NDST4: variants seen among roughly 807,000 people sequenced by gnomAD.
NDST4 encodes the protein N-heparan sulfate sulfotransferase 4.
A neutral mutation model predicts 100.8 loss-of-function variants in NDST4; 63 were observed. The observed-to-expected ratio is 0.62, with a 90% CI of 0.51 to 0.77. The LOEUF is 0.77. NDST4 is among the 30% of genes least tolerant of loss of function. The pLI is 0.00. For synonymous variants in NDST4, 377 were observed against 361.8 expected (o/e 1.04, Z -0.48); for missense variants, 943 against 1,018.4 (o/e 0.93, Z 1.01).
chr4:114,887,043 T>A (rs893979625), intron 6 of NDST4, among the ~76,000 whole-genome samples: 2 of 152,190 alleles, frequency 1.3e-5, no homozygotes, highest in Admixed American at 1.3e-4. Flanking sequence ...ACTAATCCAT[T>A]GTGAATTACA....
At chr4:114,960,568 G>C (rs1295149265) in intron 4 of NDST4, among the ~76,000 whole-genome samples, 1 of 151,906 alleles carries the variant, frequency 6.6e-6, no homozygotes, top group Non-Finnish European at 1.5e-5. Context: ...ATAAAAGAAA[G>C]AAAGAAATAA....
intron 3 of NDST4, 71 bp downstream of exon 3, chr4:114,977,116 C>A: frequency 2.1e-6 from 2 of 941,412 alleles, no homozygotes; most frequent in South Asian, 3.4e-5. Flanking sequence ...CTATCTCTAC[C>A]ACTTATGAAT....
intron 6 of NDST4, among the ~76,000 whole-genome samples, chr4:114,896,769 A>C (rs1361081389): frequency 1.3e-5 from 2 of 152,224 alleles, no homozygotes; most frequent in Non-Finnish European, 2.9e-5. Context: ...CAGCTATTTT[A>C]CATGGTAATT....
At chr4:115,099,929 A>G (rs932246629) in intron 1 of NDST4, among the ~76,000 whole-genome samples, 3 of 152,184 alleles carry the variant, frequency 2.0e-5, no homozygotes, top group Non-Finnish European at 4.4e-5. Flanking sequence ...TCAAAAAGTG[A>G]ATGAATAAAT....
chr4:114,850,470 GC>G (rs1289138466), intron 8 of NDST4, among the ~76,000 whole-genome samples: 3 of 151,896 alleles, frequency 2.0e-5, no homozygotes, highest in African/African-American at 7.3e-5. Flanking sequence ...TAAAATCTGG[GC>G]CCATTACCTC....
At chr4:115,106,831 T>C (rs1049019320) in intron 1 of NDST4, among the ~76,000 whole-genome samples, 6 of 152,084 alleles carry the variant, frequency 3.9e-5, no homozygotes, top group African/African-American at 1.2e-4. Context: ...GAATGAGATA[T>C]GGAGCCAGCT....
At chr4:115,052,087 A>C (rs570893951) in intron 2 of NDST4, among the ~76,000 whole-genome samples, 48 of 152,258 alleles carry the variant, frequency 3.2e-4, no homozygotes, top group African/African-American at 1.0e-3. Flanking sequence ...TTCTTTTAAG[A>C]AACATCTGTT....
Position 114,852,784 on chromosome 4 carries a change from G to A in NDST4, c.1757C>T (p.Ser586Phe). Residue 586 changes from serine (S) to phenylalanine (F), a missense_variant, in exon 8 of 14, where the codon TCC becomes TTC. Ser to Phe is a radical substitution (Grantham distance 155). This residue lies in a region of NDST4 where 526 missense variants were observed against 634.1 expected (regional missense o/e 0.83). Coordinates refer to ENST00000264363, the MANE Select transcript of NDST4 (RefSeq NM_022569.3). ...TAAGTGGTCACAAGTTTTCTCTCTGGACCAGATGTCTTTGTGTCGTTTATC... is the reference window on the plus strand; with the variant it reads ...TAAGTGGTCACAAGTTTTCTCTCTGAACCAGATGTCTTTGTGTCGTTTATC... ...CDDKRHKDIWSREKTCDHLPK... is the reference protein window; with the variant it reads ...CDDKRHKDIWFREKTCDHLPK... The A allele has an allele frequency of 1.2e-6, 2 of 1,612,586 alleles. No homozygotes were observed. The highest frequency in any genetic ancestry group is 1.7e-6 in the Non-Finnish European group (2 of 1,179,238).
intron 2 of NDST4, among the ~76,000 whole-genome samples, chr4:115,030,099 G>A (rs889019460): frequency 3.3e-5 from 5 of 152,086 alleles, no homozygotes; most frequent in African/African-American, 1.2e-4. Flanking sequence ...ATTCCTGTGT[G>A]AGAATTCATG....
chr4:114,976,931 C>A (rs951839672), intron 3 of NDST4, among the ~76,000 whole-genome samples: 1 of 151,018 alleles, frequency 6.6e-6, no homozygotes, highest in Non-Finnish European at 1.5e-5. Flanking sequence ...CACAGTCATA[C>A]TCAGTACAGT....
chr4:114,876,773 C>T (rs1318108578), intron 6 of NDST4, among the ~76,000 whole-genome samples: 1 of 152,086 alleles, frequency 6.6e-6, no homozygotes, highest in Admixed American at 6.5e-5. Flanking sequence ...AAAAGTGAAA[C>T]ATTCCAATGA....
chr4:114,962,603 AAAG>A (rs1353925764), intron 4 of NDST4, among the ~76,000 whole-genome samples: 2 of 152,014 alleles, frequency 1.3e-5, no homozygotes, highest in African/African-American at 4.8e-5. Flanking sequence ...GTATTTGATC[AAAG>A]AAGTTCAAAA....
intron 2 of NDST4, among the ~76,000 whole-genome samples, chr4:115,033,180 G>A (rs1414056300): frequency 7.3e-6 from 1 of 137,068 alleles, no homozygotes; most frequent in African/African-American, 2.8e-5. Flanking sequence ...TTGAAACAGG[G>A]TCTCACTCTT....
At chr4:115,061,626 G>C (rs560956936) in intron 2 of NDST4, among the ~76,000 whole-genome samples, 1 of 151,848 alleles carries the variant, frequency 6.6e-6, no homozygotes, top group Non-Finnish European at 1.5e-5. Flanking sequence ...TCTGTCGGGG[G>C]TGAGGGGCAA....
chr4:114,927,318 T>C (rs1262179827), intron 6 of NDST4, among the ~76,000 whole-genome samples: 1 of 151,956 alleles, frequency 6.6e-6, no homozygotes, highest in Non-Finnish European at 1.5e-5. Flanking sequence ...TAGTACAAGA[T>C]GAACTATTAG....
At chr4:115,080,839 C>T (rs1212068456) in intron 1 of NDST4, among the ~76,000 whole-genome samples, 4 of 151,736 alleles carry the variant, frequency 2.6e-5, no homozygotes, top group African/African-American at 9.7e-5. Context: ...TCAGACCCAC[C>T]CCATCCACAC....
intron 2 of NDST4, among the ~76,000 whole-genome samples, chr4:115,013,370 T>TATATATAC (rs74678897): frequency 0.055 from 3,886 of 71,164 alleles, 195 homozygotes; most frequent in Admixed American, 0.11. Flanking sequence ...TATATATATA[T>TATATATAC]ACACACACAT....
At chr4:115,040,127 ACTT>A (rs1211253761) in intron 2 of NDST4, among the ~76,000 whole-genome samples, 3 of 151,688 alleles carry the variant, frequency 2.0e-5, no homozygotes, top group Non-Finnish European at 2.9e-5. Flanking sequence ...TAAAAACTAG[ACTT>A]CTTTGAATAT....
intron 2 of NDST4, among the ~76,000 whole-genome samples, chr4:115,021,444 A>T (rs1237218847): frequency 6.6e-6 from 1 of 151,340 alleles, no homozygotes; most frequent in Non-Finnish European, 1.5e-5. Context: ...CACATTCCAC[A>T]TATACACATT....
Sources: gnomAD v4.1 joint callset for allele counts (sites outside exome capture counted in the v4.1 genomes callset) on GRCh38, gnomAD v4.1.1 for gene constraint, gnomAD v4.1.1 regional missense constraint, MANE v1.5 for transcripts, NCBI Gene and HGNC (gene_info 2026-07-23, HGNC 2026-07-21) for gene names.